Variants in NRXN1 observed in about 807,000 individuals in gnomAD.
NRXN1 encodes neurexin 1, also known as neurexin-1.
NRXN1 carries 39 observed loss-of-function variants against 150.9 expected under a neutral mutation model. The observed-to-expected ratio is 0.26, with a 90% confidence interval of 0.20 to 0.34. The LOEUF is 0.34. NRXN1 is among the 10% of genes least tolerant of loss of function. NRXN1 has a pLI of 1.00. For synonymous variants in NRXN1, 924 were observed against 757.0 expected (o/e 1.22, Z -3.62); for missense variants, 1,815 against 1,949.9 (o/e 0.93, Z 1.30).
rs542997524 is a variant in NRXN1 at position 50,186,781 on chromosome 2, A to G, written c.3546+50008T>C. 3.3e-5 allele frequency among the ~76,000 whole-genome samples: 5 copies of G among 152,174 alleles called. 1 individual carries two copies. The highest frequency in any genetic ancestry group is 1.2e-4 in the African/African-American group (5 of 41,552). ...TTCATATATTTTATTGAGGAGATAT[A>G]AGCAATATCTCTTAACATGTAGTTT... On this transcript the variant is annotated intron_variant, in intron 18 of 22. Transcript: ENST00000401669.
intron 19 of NRXN1, among the ~76,000 whole-genome samples, chr2:50,066,086 A>C (rs1219439811): frequency 1.3e-5 from 2 of 152,196 alleles, no homozygotes; most frequent in African/African-American, 4.8e-5. Flanking sequence ...CTCATGTTCC[A>C]AAAATACTTC....
At chr2:49,974,196 A>C in intron 21 of NRXN1, 3 of 704,478 alleles carry the variant, frequency 4.3e-6, no homozygotes, top group East Asian at 2.7e-5. Context: ...GAGAAAAGAC[A>C]CAGAAAACGC....
At chr2:50,279,985 C>T (rs1225621232) in intron 17 of NRXN1, among the ~76,000 whole-genome samples, 4 of 152,056 alleles carry the variant, frequency 2.6e-5, no homozygotes, top group Non-Finnish European at 5.9e-5. Context: ...TATTAAAAAG[C>T]TAAGCAGGGC....
chr2:50,275,583 G>A (rs956655537), intron 17 of NRXN1, among the ~76,000 whole-genome samples: 3 of 151,332 alleles, frequency 2.0e-5, no homozygotes, highest in Admixed American at 6.6e-5. Flanking sequence ...ACTTTTATTC[G>A]AAGATTTGGC....
At chr2:49,945,265 T>G (rs558921654) in intron 21 of NRXN1, 1 of 152,160 alleles carries the variant, frequency 6.6e-6, no homozygotes, top group Non-Finnish European at 1.5e-5. Flanking sequence ...GTCTTTTTTT[T>G]TAACTGTTGA....
intron 21 of NRXN1, among the ~76,000 whole-genome samples, chr2:49,975,332 C>T (rs1678773717): frequency 6.6e-6 from 1 of 151,874 alleles, no homozygotes; most frequent in African/African-American, 2.4e-5. Context: ...ACTATTCATA[C>T]ATTTGAAAGA....
rs149167858 is a variant in NRXN1, at chr2:50,988,134, C to G, written c.772+39368G>C. 1.7e-3 allele frequency among the ~76,000 whole-genome samples: 259 copies of G among 152,040 alleles called. 2 individuals are homozygous for G. Among genetic ancestry groups the G allele is most frequent in the African/African-American group, 5.9e-3 (247 of 41,542 alleles). ...TCTTCCATAAGGGTCAGTGATAACT[C>G]CAATGTTCAGCTGACAAAAATAAGT... On this transcript the variant is annotated intron_variant, in intron 2 of 22. Transcript: ENST00000401669.
At position 50,416,357 on chromosome 2, in the gene NRXN1, A is replaced by C. The variant is rs796806603; in HGVS notation, c.3364+49085T>G. The stretch of plus-strand genomic sequence containing the variant: ...AAATGCGCAAAGAAAGCTGAGAAAC[A>C]CTAATGTGACTGCTGGCCTCTGTAC... On this transcript the variant is annotated intron_variant, in intron 17 of 22. Coordinates refer to ENST00000401669, the MANE Select transcript of NRXN1 (RefSeq NM_001330078.2). Among the ~76,000 whole-genome samples, 3 of 151,952 alleles carry C rather than the reference A, an allele frequency of 2.0e-5. No homozygotes were observed. In the South Asian group the frequency reaches 6.2e-4, roughly 31 times the overall value.
At chr2:50,570,282 C>T (rs992708082) in intron 8 of NRXN1, among the ~76,000 whole-genome samples, 1 of 151,966 alleles carries the variant, frequency 6.6e-6, no homozygotes, top group Admixed American at 6.6e-5. Context: ...GAATCAAAGA[C>T]AGAGAAATCC....
intron 22 of NRXN1, among the ~76,000 whole-genome samples, chr2:49,925,495 A>G (rs1190914996): frequency 6.6e-6 from 1 of 152,052 alleles, no homozygotes; most frequent in Non-Finnish European, 1.5e-5. Context: ...TCAATGACTA[A>G]TATGGTTAAA....
intron 2 of NRXN1, among the ~76,000 whole-genome samples, chr2:50,937,434 T>C (rs1274740677): frequency 6.6e-6 from 1 of 152,258 alleles, no homozygotes; most frequent in South Asian, 2.1e-4. Flanking sequence ...AGTATGTTTC[T>C]TTTAGTTGGC....
rs1027890213 is a variant in NRXN1 at position 50,085,887 on chromosome 2, T to G, written c.3718+5436A>C. On this transcript the variant is annotated intron_variant, in intron 19 of 22. Coordinates refer to ENST00000401669, the MANE Select transcript of NRXN1 (RefSeq NM_001330078.2). ...GAATAGGCTATGCTATGTTTAAAGA[T>G]GCATCTAATGATCTTTGTATATTTT... Among the ~76,000 whole-genome samples, 10 of 152,296 alleles carry G rather than the reference T, an allele frequency of 6.6e-5. No homozygotes were observed. The East Asian group carries it at 1.9e-3, about 29-fold the overall frequency.
intron 17 of NRXN1, among the ~76,000 whole-genome samples, chr2:50,293,779 A>G (rs1368748014): frequency 1.3e-5 from 2 of 152,176 alleles, no homozygotes; most frequent in Non-Finnish European, 2.9e-5. Context: ...AGGGGGAGAT[A>G]GTAAACTTGC....
intron 5 of NRXN1, among the ~76,000 whole-genome samples, chr2:50,629,729 AC>A (rs1239455142): frequency 6.6e-6 from 1 of 151,624 alleles, no homozygotes; most frequent in African/African-American, 2.4e-5. Context: ...TATTAATGCT[AC>A]TATTAATAGT....
intron 2 of NRXN1, among the ~76,000 whole-genome samples, chr2:50,987,260 TAATTC>T (rs1697867103): frequency 6.6e-6 from 1 of 151,924 alleles, no homozygotes; most frequent in Non-Finnish European, 1.5e-5. Context: ...GTTAGTACAA[TAATTC>T]AATATAAAAT....
intron 17 of NRXN1, among the ~76,000 whole-genome samples, chr2:50,252,266 T>C (rs1262001737): frequency 7.2e-6 from 1 of 138,822 alleles, no homozygotes; most frequent in Non-Finnish European, 1.6e-5. Flanking sequence ...TTCTTTTTTT[T>C]TTTTTTTTTT....
intron 5 of NRXN1, among the ~76,000 whole-genome samples, chr2:50,696,562 C>T (rs555799448): frequency 1.3e-5 from 2 of 152,192 alleles, no homozygotes; most frequent in Non-Finnish European, 2.9e-5. Flanking sequence ...CTGTTTATGC[C>T]TCTTCTTCCA....
chr2:50,048,330 T>A (rs1005802812), intron 21 of NRXN1, among the ~76,000 whole-genome samples: 1 of 152,150 alleles, frequency 6.6e-6, no homozygotes, highest in African/African-American at 2.4e-5. Context: ...GAAAATAAAT[T>A]AATTATTCAT....
At chr2:50,336,203 A>C (rs1340117589) in intron 17 of NRXN1, among the ~76,000 whole-genome samples, 1 of 152,218 alleles carries the variant, frequency 6.6e-6, no homozygotes, top group Non-Finnish European at 1.5e-5. Context: ...AATAAACAAC[A>C]ACAATTCTGG....
Sources: gnomAD v4.1 joint callset for allele counts (sites outside exome capture counted in the v4.1 genomes callset) on GRCh38, gnomAD v4.1.1 for gene constraint, MANE v1.5 for transcripts, NCBI Gene and HGNC (gene_info 2026-07-23, HGNC 2026-07-21) for gene names.